Variants in DYRK1A observed in about 807,000 individuals in gnomAD.
DYRK1A encodes the protein dual specificity tyrosine phosphorylation regulated kinase 1A, also known as dual specificity tyrosine-phosphorylation-regulated kinase 1A.
In DYRK1A, 9 loss-of-function variants were observed where a neutral mutation model predicts 79.7. The observed-to-expected ratio is 0.11, with a 90% CI of 0.07 to 0.20. The LOEUF (loss-of-function observed/expected upper bound fraction) is 0.20, where lower values mean the gene tolerates loss of function less well. Ranked by LOEUF, DYRK1A falls within the 10% of genes least tolerant of loss-of-function variation. The pLI, the probability that DYRK1A is intolerant of heterozygous loss-of-function variation, is 1.00. For missense variants in DYRK1A, 622 were observed against 956.0 expected (o/e 0.65, Z 4.61); for synonymous variants, 349 against 329.7 (o/e 1.06, Z -0.63).
chr21:37,402,479 CTA>C (rs1218849744), intron 1 of DYRK1A, among the ~76,000 whole-genome samples: 1 of 152,206 alleles, frequency 6.6e-6, no homozygotes, highest in East Asian at 1.9e-4. Context: ...GTGGTAATGA[CTA>C]TCTTTATTCC....
chr21:37,416,724 T>C (rs544961882), intron 1 of DYRK1A, among the ~76,000 whole-genome samples: 2 of 152,264 alleles, frequency 1.3e-5, no homozygotes, highest in South Asian at 4.1e-4. Flanking sequence ...TTTTTCTTGA[T>C]TTCTGTTTTG....
In DYRK1A at chr21:37,476,640, C is replaced by T. The variant is rs1476245377; in HGVS notation, c.208-1568C>T. ...CAGCATTCATTCACAGAAAAACTGA[C>T]GTTTATTACCCATATTAATTTATGC... is the stretch of plus-strand genomic sequence containing the variant. On this transcript the variant is annotated intron_variant, in intron 3 of 11. Transcript: ENST00000647188. Among the ~76,000 whole-genome samples, 6 of 152,136 alleles carry T rather than the reference C, an allele frequency of 3.9e-5. No individual in the cohort carries two copies. The East Asian group carries it at 9.6e-4, about 24-fold the overall frequency.
At chr21:37,509,528 C>G (rs921916745) in intron 11 of DYRK1A, among the ~76,000 whole-genome samples, 6 of 152,198 alleles carry the variant, frequency 3.9e-5, no homozygotes, top group Admixed American at 2.6e-4. Context: ...CTCACTGCAG[C>G]CTTGAGCACC....
intron 1 of DYRK1A, among the ~76,000 whole-genome samples, chr21:37,378,548 A>C (rs543911129): frequency 7.9e-5 from 12 of 152,172 alleles, no homozygotes; most frequent in African/African-American, 2.9e-4. Flanking sequence ...AACAAAACAA[A>C]AGTATTTTTT....
chr21:37,459,644 T>C (rs1415695238), intron 2 of DYRK1A, among the ~76,000 whole-genome samples: 2 of 152,258 alleles, frequency 1.3e-5, no homozygotes, highest in Non-Finnish European at 2.9e-5. Flanking sequence ...AAGAAATTTA[T>C]GTAATTGAAA....
intron 11 of DYRK1A, among the ~76,000 whole-genome samples, chr21:37,506,548 T>TGATG (rs1160407503): frequency 9.2e-5 from 14 of 152,210 alleles, no homozygotes; most frequent in Admixed American, 9.2e-4. Flanking sequence ...TGAGACTTCA[T>TGATG]GGGCTAAGTA....
chr21:37,499,868 A>G (rs551614411), intron 9 of DYRK1A, among the ~76,000 whole-genome samples: 1 of 152,284 alleles, frequency 6.6e-6, no homozygotes, highest in South Asian at 2.1e-4. Flanking sequence ...TTTCTGACAA[A>G]TAGAGTCAGC....
At chr21:37,403,107 AT>A (rs956807723) in intron 1 of DYRK1A, among the ~76,000 whole-genome samples, 4 of 151,382 alleles carry the variant, frequency 2.6e-5, no homozygotes, top group Non-Finnish European at 5.9e-5. Context: ...AAGTTTGCTG[AT>A]TTTTTTTCCC....
chr21:37,394,181 C>T (rs896822602), intron 1 of DYRK1A, among the ~76,000 whole-genome samples: 1 of 150,048 alleles, frequency 6.7e-6, no homozygotes, highest in Non-Finnish European at 1.5e-5. Flanking sequence ...TCCTACTGAC[C>T]GATTCATTTT....
At chr21:37,370,765 G>C (rs967374314) in intron 1 of DYRK1A, among the ~76,000 whole-genome samples, 2 of 152,096 alleles carry the variant, frequency 1.3e-5, no homozygotes, top group African/African-American at 4.8e-5. Context: ...ACTTTCTGTT[G>C]AGTGTTTTGG....
chr21:37,471,460 A>G (rs996346781), intron 2 of DYRK1A, among the ~76,000 whole-genome samples: 2 of 152,246 alleles, frequency 1.3e-5, no homozygotes, highest in Non-Finnish European at 2.9e-5. Context: ...CACTGGCCCC[A>G]TGAGCCTTTA....
chr21:37,397,579 A>G (rs568136982), intron 1 of DYRK1A, among the ~76,000 whole-genome samples: 2 of 152,260 alleles, frequency 1.3e-5, no homozygotes, highest in African/African-American at 4.8e-5. Context: ...TCTTCAGTAA[A>G]CTAGTCCTAT....
intron 1 of DYRK1A, among the ~76,000 whole-genome samples, chr21:37,376,638 G>A (rs1221678533): frequency 6.6e-6 from 1 of 152,124 alleles, no homozygotes; most frequent in South Asian, 2.1e-4. Flanking sequence ...GTTGGTAATG[G>A]CACTGTGGGT....
chr21:37,367,414 AG>A lies in DYRK1A; in HGVS notation c.-286del, dbSNP rs1482367681. 1 of 147,462 alleles carries A rather than the reference AG, an allele frequency of 6.8e-6. No individual in the cohort carries two copies. The highest frequency in any genetic ancestry group is 2.1e-4 in the South Asian group (1 of 4,746). 9.1% of individuals were successfully genotyped at this position (147,462 alleles called of 1,614,324 possible). A position where few individuals can be genotyped will look rare whatever the true frequency, so the allele number is the denominator to read the frequency against. The stretch of plus-strand genomic sequence containing the variant: ...CCGGGGACTGCGGTATTTGCCGGGG[AG>A]GGGGCTGTCGCCTCCCCGGCCCCGG... On this transcript the variant is annotated 5_prime_UTR_variant, in exon 1 of 12. Transcript: ENST00000647188.
intron 1 of DYRK1A, among the ~76,000 whole-genome samples, chr21:37,386,682 C>G (rs1367039263): frequency 7.7e-6 from 1 of 129,082 alleles, no homozygotes; most frequent in Non-Finnish European, 1.6e-5. Flanking sequence ...GAGGACTTAA[C>G]TCACAATTGG....
chr21:37,399,273 A>G (rs1303622856), intron 1 of DYRK1A, among the ~76,000 whole-genome samples: 1 of 152,162 alleles, frequency 6.6e-6, no homozygotes, highest in African/African-American at 2.4e-5. Flanking sequence ...CCTTTTTTAT[A>G]AGACCCATAA....
intron 1 of DYRK1A, among the ~76,000 whole-genome samples, chr21:37,397,915 T>G (rs1225658881): frequency 1.3e-5 from 2 of 151,894 alleles, no homozygotes; most frequent in African/African-American, 4.8e-5. Flanking sequence ...TGAGATGAGT[T>G]GTATTTCAAA....
At chr21:37,489,922 A>G (rs1401701009) in intron 6 of DYRK1A, among the ~76,000 whole-genome samples, 1 of 152,160 alleles carries the variant, frequency 6.6e-6, no homozygotes, top group East Asian at 1.9e-4. Context: ...TTAGAGAAAC[A>G]AGGCATTTTG....
At chr21:37,395,647 A>AG (rs1448682968) in intron 1 of DYRK1A, among the ~76,000 whole-genome samples, 2 of 152,226 alleles carry the variant, frequency 1.3e-5, no homozygotes, top group Non-Finnish European at 2.9e-5. Context: ...TTACTCTGGC[A>AG]TAGTACCTGC....
Sources: allele counts gnomAD v4.1 joint callset (sites outside exome capture counted in the v4.1 genomes callset), GRCh38; gene constraint gnomAD v4.1.1; transcripts MANE v1.5; gene names NCBI Gene and HGNC (gene_info 2026-07-23, HGNC 2026-07-21).